The following HCN4 variants were observed in gnomAD, a reference collection of about 807,000 sequenced individuals.
HCN4 encodes the protein hyperpolarization activated cyclic nucleotide gated potassium channel 4, also known as potassium/sodium hyperpolarization-activated cyclic nucleotide-gated channel 4.
Under a neutral mutation model 76.9 loss-of-function variants are expected in HCN4, and 29 were observed. The ratio of observed to expected loss-of-function variants is 0.38; its 90% confidence interval spans 0.28 to 0.51. The LOEUF is 0.51. Ranked by LOEUF, HCN4 falls within the 20% of genes least tolerant of loss-of-function variation. The probability of loss-of-function intolerance (pLI) is 0.90; values close to 1 mark genes in which losing one functional copy is unlikely to be tolerated. For missense variants in HCN4, 1,416 were observed against 1,715.2 expected, an observed-to-expected ratio of 0.83 and a Z score of 3.08; for synonymous variants, 772 against 762.5, an observed-to-expected ratio of 1.01 and a Z score of -0.21.
chr15:73,359,952 C>T (rs952293479), intron 1 of HCN4, among the ~76,000 whole-genome samples: 1 of 152,192 alleles, frequency 6.6e-6, no homozygotes, highest in African/African-American at 2.4e-5. Flanking sequence ...CCCCAAACCC[C>T]AAAGGTCTCT....
Position 73,325,207 on chromosome 15 carries a change from G to C in HCN4, c.1738-12C>G. The C allele has an allele frequency of 6.2e-7, 1 of 1,614,130 alleles. No homozygotes were observed. On this transcript the variant is annotated splice_polypyrimidine_tract_variant and intron_variant, in intron 5 of 7. Coordinates refer to ENST00000261917, the MANE Select transcript of HCN4 (RefSeq NM_005477.3). This position sits in a 1 kb window ranked among gnomAD's most constrained non-coding sequence, Gnocchi z 7.4. ...AAGTTGATGATCTCCTGCCGGACAG[G>C]GTGGATTGGGACACGGGAAGGAGGT... is the stretch of plus-strand genomic sequence containing the variant.
chr15:73,329,129 G>C (rs1273073195), intron 4 of HCN4, among the ~76,000 whole-genome samples: 1 of 152,178 alleles, frequency 6.6e-6, no homozygotes, highest in Non-Finnish European at 1.5e-5. Flanking sequence ...CGAGGCCCGG[G>C]CCACTGGGGA....
In HCN4 at chr15:73,329,590, G is replaced by A. The variant is rs1429346819; in HGVS notation, c.1573C>T (p.Arg525Cys). The A allele has an allele frequency of 3.1e-6, 5 of 1,614,080 alleles. No homozygotes were observed. The highest frequency in any genetic ancestry group is 1.1e-5 in the South Asian group (1 of 91,088). ...AGACCTACCTTTTCCTGGTACTGGC[G>A]CCGGGAGGAGTCCAGGGACTGGATG... ...ALIQSLDSSR[R>C]QYQEKYKQVE... Residue 525 changes from arginine to cysteine, a missense_variant, in exon 4 of 8, where the codon CGC (arginine) becomes TGC (cysteine). Around this residue, in one of 6 missense-constraint regions of HCN4, gnomAD observed 241 missense variants for 379.4 expected, o/e 0.64. Coordinates refer to ENST00000261917, the MANE Select transcript of HCN4 (RefSeq NM_005477.3).
At chr15:73,357,597 G>A (rs559849646) in intron 1 of HCN4, among the ~76,000 whole-genome samples, 1 of 152,126 alleles carries the variant, frequency 6.6e-6, no homozygotes, top group African/African-American at 2.4e-5. Flanking sequence ...TGGCATTTCA[G>A]TTCATTTTCA....
At chr15:73,336,844 C>T (rs371298486) in intron 2 of HCN4, among the ~76,000 whole-genome samples, 3 of 152,166 alleles carry the variant, frequency 2.0e-5, no homozygotes, top group Non-Finnish European at 2.9e-5. Flanking sequence ...AGACATAAAT[C>T]AGACCATGTC....
chr15:73,352,100 G>A (rs1478129998), intron 1 of HCN4, among the ~76,000 whole-genome samples: 4 of 152,252 alleles, frequency 2.6e-5, no homozygotes, highest in African/African-American at 9.6e-5. Context: ...AAGAAACTGT[G>A]TGTGTGACAG....
chr15:73,359,210 G>C (rs1250590255), intron 1 of HCN4, among the ~76,000 whole-genome samples: 6 of 152,196 alleles, frequency 3.9e-5, no homozygotes, highest in Middle Eastern at 3.2e-3. Flanking sequence ...GCCCAGAGCT[G>C]GGGGAGCAGT....
intron 2 of HCN4, among the ~76,000 whole-genome samples, chr15:73,337,686 T>A (rs1156761459): frequency 6.6e-6 from 1 of 152,170 alleles, no homozygotes; most frequent in Non-Finnish European, 1.5e-5. Flanking sequence ...TGAGAAGGGC[T>A]TCGTGATGAA....
chr15:73,323,014 G>C lies in HCN4; in HGVS notation c.3079C>G (p.Pro1027Ala). Residue 1027 changes from proline to alanine, a missense_variant, in exon 8 of 8, where the codon CCC (proline) becomes GCC (alanine). Physicochemically the swap from Pro to Ala is conservative, Grantham distance 27 (BLOSUM62 -1). Around this residue, in one of 6 missense-constraint regions of HCN4, gnomAD observed 633 missense variants for 579.8 expected, o/e 1.09. Transcript: ENST00000261917. ...GGGGGGCCTGGGCTGTGGCCAGGGG[G>C]GCTGAGACCTCCTCGGGGAGTAAAG... ...VGFTPRGGLS[P>A]PGHSPGPPRT... is the part of the protein sequence containing the mutation. 6.8e-7 allele frequency: 1 copy of C among 1,473,072 alleles called. No homozygotes were observed. The highest frequency in any genetic ancestry group is 9.0e-7 in the Non-Finnish European group (1 of 1,113,644). The allele number at this position is 1,473,072 out of a possible 1,614,324, so 91.3% of individuals were successfully genotyped here.
rs1325178109 is a variant in HCN4 at position 73,328,167 on chromosome 15, A to C, written c.1590+1406T>G. Among the ~76,000 whole-genome samples the C allele has an allele frequency of 1.3e-5, 2 of 152,034 alleles. No homozygotes were observed. ...GTGCCATGGGGTCACATGACAGGTGAGGGGCTGGCCAGGTCACAGACGGCT... is the reference window on the plus strand; with the variant it reads ...GTGCCATGGGGTCACATGACAGGTGCGGGGCTGGCCAGGTCACAGACGGCT... On this transcript the variant is annotated intron_variant, in intron 4 of 7. Coordinates refer to ENST00000261917, the MANE Select transcript of HCN4 (RefSeq NM_005477.3). The surrounding 1 kb of genome is among the most constrained non-coding windows in gnomAD (Gnocchi z 4.0).
At position 73,367,954 on chromosome 15, in the gene HCN4, C is replaced by G; in HGVS notation, c.317G>C (p.Arg106Pro). The G allele has an allele frequency of 7.4e-7, 1 of 1,353,614 alleles. No individual in the cohort carries two copies. Among genetic ancestry groups the G allele is most frequent in the Non-Finnish European group, 9.5e-7 (1 of 1,057,788 alleles). The allele number at this position is 1,353,614 out of a possible 1,614,324, so 83.9% of individuals were successfully genotyped here. ...FRGSLASLGS[R>P]GGGSGGTGSG... is the part of the protein sequence containing the mutation. ...CCCCGTGCCGCCGCTGCCGCCGCCC[C>G]GGCTGCCCAGCGAGGCCAGGCTCCC... The change falls in exon 1 of 8, where the codon CGG (arginine) becomes CCG (proline). Residue 106 changes from arginine to proline, a missense_variant. By Grantham distance (103) the Arg-to-Pro change is moderately radical. This residue lies in a region of HCN4 where 355 missense variants were observed against 347.8 expected (regional missense o/e 1.02). Coordinates refer to ENST00000261917, the MANE Select transcript of HCN4 (RefSeq NM_005477.3). This position sits in a 1 kb window ranked among gnomAD's most constrained non-coding sequence, Gnocchi z 7.5.
At chr15:73,340,528 C>T (rs512943) in intron 2 of HCN4, among the ~76,000 whole-genome samples, 21,425 of 152,092 alleles carry the variant, frequency 0.14, 1,891 homozygotes, top group African/African-American at 0.25. Context: ...AGGGGAAACA[C>T]GCCTCCATCT....
chr15:73,357,646 C>A lies in HCN4; in HGVS notation c.785+9840G>T, dbSNP rs913272922. Reference sequence around the variant, plus strand: ...GCATCACTTCCCGGGAAGGATGCCCCGGAAACAAAGAAAAGAAAGCCTGGC... The same window carrying A: ...GCATCACTTCCCGGGAAGGATGCCCAGGAAACAAAGAAAAGAAAGCCTGGC... On this transcript the variant is annotated intron_variant, in intron 1 of 7. Transcript: ENST00000261917. 2.0e-5 allele frequency among the ~76,000 whole-genome samples: 3 copies of A among 151,976 alleles called. 1 individual carries two copies. The South Asian group carries it at 6.2e-4, about 32-fold the overall frequency.
Position 73,367,396 on chromosome 15 carries a change from A to G in HCN4, c.785+90T>C, listed in dbSNP as rs114658768. 5 of 1,589,140 alleles carry G rather than the reference A, an allele frequency of 3.1e-6. No individual in the cohort carries two copies. The African/African-American group carries it at 5.4e-5, about 17-fold the overall frequency. The stretch of plus-strand genomic sequence containing the variant: ...CTTGGAGCTCCCAGCGCAAGGCAGG[A>G]AAGTTAACTCCGGCTGGGAGGCAGG... On this transcript the variant is annotated intron_variant, in intron 1 of 7. Transcript: ENST00000261917. This position sits in a 1 kb window ranked among gnomAD's most constrained non-coding sequence, Gnocchi z 7.5.
Position 73,368,337 on chromosome 15 carries a change from C to A in HCN4, c.-67G>T. 8.3e-7 allele frequency: 1 copy of A among 1,199,146 alleles called. No homozygotes were observed. The highest frequency in any genetic ancestry group is 3.2e-5 in the East Asian group (1 of 31,072). 74.3% of individuals were successfully genotyped at this position (1,199,146 alleles called of 1,614,324 possible). A position where few individuals can be genotyped will look rare whatever the true frequency, so the allele number is the denominator to read the frequency against. On this transcript the variant is annotated 5_prime_UTR_variant, in exon 1 of 8. Coordinates refer to ENST00000261917, the MANE Select transcript of HCN4 (RefSeq NM_005477.3). This position sits in a 1 kb window ranked among gnomAD's most constrained non-coding sequence, Gnocchi z 6.9. ...GCGGCGCCGCGGACGGGCTCCAGGT[C>A]CGCCCGCCGGTCAGTCCGCCCGTGG...
intron 2 of HCN4, among the ~76,000 whole-genome samples, chr15:73,336,155 G>A (rs1168465230): frequency 2.6e-5 from 4 of 152,180 alleles, no homozygotes; most frequent in Non-Finnish European, 5.9e-5. Context: ...AGATGCTGCT[G>A]TGGGGCTGGA....
At chr15:73,363,904 C>T (rs969281617) in intron 1 of HCN4, among the ~76,000 whole-genome samples, 5 of 152,136 alleles carry the variant, frequency 3.3e-5, no homozygotes, top group Non-Finnish European at 7.4e-5. Flanking sequence ...GCTCATAACC[C>T]ACACAGGGCT....
chr15:73,345,811 C>CCT (rs2043027250), intron 1 of HCN4, among the ~76,000 whole-genome samples: 1 of 152,070 alleles, frequency 6.6e-6, no homozygotes, highest in African/African-American at 2.4e-5. Context: ...GCTATGTGGC[C>CCT]CTCTGTACAT....
chr15:73,367,392 C>T lies in HCN4; in HGVS notation c.785+94G>A. On this transcript the variant is annotated intron_variant, in intron 1 of 7. Transcript: ENST00000261917. The surrounding 1 kb of genome is among the most constrained non-coding windows in gnomAD (Gnocchi z 7.5). The stretch of plus-strand genomic sequence containing the variant: ...CTCTCTTGGAGCTCCCAGCGCAAGG[C>T]AGGAAAGTTAACTCCGGCTGGGAGG... The T allele has an allele frequency of 1.9e-6, 3 of 1,581,988 alleles. No individual in the cohort carries two copies. Among genetic ancestry groups the T allele is most frequent in the Non-Finnish European group, 2.6e-6 (3 of 1,164,328 alleles).
Sources: allele counts gnomAD v4.1 joint callset (sites outside exome capture counted in the v4.1 genomes callset), GRCh38; gene constraint gnomAD v4.1.1; regional missense constraint gnomAD v4.1.1; non-coding constraint Gnocchi (gnomAD v3.1); transcripts MANE v1.5; gene names NCBI Gene and HGNC (gene_info 2026-07-23, HGNC 2026-07-21).